The following NTRK3 variants were observed in gnomAD, a reference collection of about 807,000 sequenced individuals.
NTRK3 encodes neurotrophic receptor tyrosine kinase 3, also known as NT-3 growth factor receptor.
A neutral mutation model predicts 91.7 loss-of-function variants in NTRK3; 24 were observed. The observed-to-expected ratio is 0.26, with a 90% CI of 0.19 to 0.37. The LOEUF is 0.37. Ranked by LOEUF, NTRK3 falls within the 10% of genes least tolerant of loss-of-function variation. The pLI, the probability that NTRK3 is intolerant of heterozygous loss-of-function variation, is 1.00. For missense variants in NTRK3, 880 were observed against 1,068.9 expected (o/e 0.82, Z 2.46); for synonymous variants, 483 against 404.0 (o/e 1.20, Z -2.34).
In NTRK3 at chr15:88,242,064, G is replaced by A. The variant is rs554114628; in HGVS notation, c.248+13842C>T. Among the ~76,000 whole-genome samples the A allele has an allele frequency of 3.9e-5, 6 of 152,198 alleles. No individual in the cohort carries two copies. The East Asian group carries it at 5.8e-4, about 15-fold the overall frequency. ...TGCACAAATAGAGAAACGAATGAAC[G>A]GTTGCCTGGGAAGAGCACGTAGCCA... On this transcript the variant is annotated intron_variant, in intron 3 of 18. Transcript: ENST00000394480.
At chr15:88,103,542 C>T (rs2050389376) in intron 13 of NTRK3, among the ~76,000 whole-genome samples, 1 of 152,124 alleles carries the variant, frequency 6.6e-6, no homozygotes, top group Admixed American at 6.5e-5. Context: ...TTCAATACTG[C>T]CCATAGGTTT....
In NTRK3 at chr15:88,184,310, G is replaced by A; in HGVS notation, c.249-11C>T. 1 of 1,613,846 alleles carries A rather than the reference G, an allele frequency of 6.2e-7. No homozygotes were observed. Among genetic ancestry groups the A allele is most frequent in the South Asian group, 1.1e-5 (1 of 91,034 alleles). On this transcript the variant is annotated splice_polypyrimidine_tract_variant and intron_variant, in intron 3 of 18. Transcript: ENST00000394480. Reference sequence around the variant, plus strand: ...CAGTTCTCTATGTGTCTGCAGGGGAGGAGGAAAGGTAACGGTCAGCCAGAA... The same window carrying A: ...CAGTTCTCTATGTGTCTGCAGGGGAAGAGGAAAGGTAACGGTCAGCCAGAA...
intron 3 of NTRK3, among the ~76,000 whole-genome samples, chr15:88,199,885 C>A (rs2048155038): frequency 6.6e-6 from 1 of 152,186 alleles, no homozygotes; most frequent in African/African-American, 2.4e-5. Flanking sequence ...AGCAGGACAG[C>A]CTGGGCCACC....
chr15:88,104,011 A>T (rs1274022964), intron 13 of NTRK3, among the ~76,000 whole-genome samples: 1 of 152,198 alleles, frequency 6.6e-6, no homozygotes, highest in Non-Finnish European at 1.5e-5. Context: ...TGAGTCTAGC[A>T]TTCTTGCTAT....
At chr15:88,052,000 G>T (rs1387644330) in intron 13 of NTRK3, among the ~76,000 whole-genome samples, 1 of 152,154 alleles carries the variant, frequency 6.6e-6, no homozygotes, top group Non-Finnish European at 1.5e-5. Context: ...TTGAAAGACT[G>T]GCTAACTCTT....
chr15:88,071,766 T>C (rs942293288), intron 13 of NTRK3, among the ~76,000 whole-genome samples: 3 of 152,190 alleles, frequency 2.0e-5, no homozygotes, highest in African/African-American at 4.8e-5. Flanking sequence ...ATTGACTACC[T>C]ATGCTATAAA....
chr15:87,971,028 A>AC, intron 14 of NTRK3, among the ~76,000 whole-genome samples: 1 of 152,340 alleles, frequency 6.6e-6, no homozygotes, highest in East Asian at 1.9e-4. Context: ...GCCATTTGGT[A>AC]TCAGAGGTAC....
chr15:88,167,211 T>C (rs1252622534), intron 5 of NTRK3, among the ~76,000 whole-genome samples: 1 of 152,168 alleles, frequency 6.6e-6, no homozygotes, highest in Non-Finnish European at 1.5e-5. Flanking sequence ...TCACATATCA[T>C]ATCACAAGTA....
intron 14 of NTRK3, among the ~76,000 whole-genome samples, chr15:88,024,036 T>A (rs1281216836): frequency 6.6e-6 from 1 of 152,202 alleles, no homozygotes; most frequent in Non-Finnish European, 1.5e-5. Context: ...GTGACAGAAA[T>A]CTATATCACG....
At chr15:88,096,958 A>C (rs1020362445) in intron 13 of NTRK3, among the ~76,000 whole-genome samples, 6 of 152,216 alleles carry the variant, frequency 3.9e-5, no homozygotes, top group African/African-American at 1.4e-4. Flanking sequence ...ACTAAGATTG[A>C]AAAGCAAAGA....
intron 13 of NTRK3, among the ~76,000 whole-genome samples, chr15:88,077,221 C>T (rs1439401244): frequency 6.6e-6 from 1 of 152,162 alleles, no homozygotes; most frequent in African/African-American, 2.4e-5. Context: ...TTTCCCCTGG[C>T]TTCTGGCCCC....
chr15:87,985,972 G>C (rs936852910), intron 14 of NTRK3, among the ~76,000 whole-genome samples: 1 of 152,172 alleles, frequency 6.6e-6, no homozygotes, highest in African/African-American at 2.4e-5. Flanking sequence ...TTAGTCCCCA[G>C]AGAAAGTGAA....
intron 14 of NTRK3, among the ~76,000 whole-genome samples, chr15:88,006,620 A>T (rs1371650081): frequency 6.6e-6 from 1 of 152,196 alleles, no homozygotes; most frequent in Non-Finnish European, 1.5e-5. Context: ...GCCCCATGGG[A>T]TGGCATGATT....
intron 10 of NTRK3, 139 bp downstream of exon 10, chr15:88,134,962 A>C (rs1011212574): frequency 3.9e-6 from 4 of 1,038,046 alleles, no homozygotes; most frequent in East Asian, 5.0e-5. Context: ...TGGTGGTTGC[A>C]CATGTTCCAG....
rs572212628 is a variant in NTRK3, at chr15:87,993,008, C to A, written c.1585+39849G>T. ...CTGCACTACAGTATCTTGGCACTTG[C>A]AAAGCATTTCTCCTTCTAAGGACTT... On this transcript the variant is annotated intron_variant, in intron 14 of 18. Transcript: ENST00000394480. 4.6e-5 allele frequency among the ~76,000 whole-genome samples: 7 copies of A among 152,264 alleles called. No individual in the cohort carries two copies. The South Asian group carries it at 1.5e-3, about 32-fold the overall frequency.
At chr15:87,873,217 C>T (rs1445742953) in exon 19 of NTRK3, 1 of 231,446 alleles carries the variant, frequency 4.3e-6, no homozygotes, top group Non-Finnish European at 8.5e-6. Context: ...GACCAAAGAT[C>T]CTTTGCCTCA....
At chr15:88,218,081 G>C (rs1411276251) in intron 3 of NTRK3, among the ~76,000 whole-genome samples, 1 of 152,090 alleles carries the variant, frequency 6.6e-6, no homozygotes, top group Non-Finnish European at 1.5e-5. Flanking sequence ...CCCACTGTGG[G>C]GGCCCAGAAC....
intron 5 of NTRK3, among the ~76,000 whole-genome samples, chr15:88,152,852 C>A (rs1265718934): frequency 2.0e-5 from 3 of 152,210 alleles, no homozygotes; most frequent in African/African-American, 7.2e-5. Flanking sequence ...TATCTGCCCA[C>A]TTGCCCACCC....
intron 13 of NTRK3, among the ~76,000 whole-genome samples, chr15:88,077,436 G>A (rs921969616): frequency 2.0e-5 from 3 of 150,602 alleles, no homozygotes; most frequent in Admixed American, 6.6e-5. Flanking sequence ...CCCCACCCTC[G>A]CCCTCACCCC....
Sources: gnomAD v4.1 joint callset for allele counts (sites outside exome capture counted in the v4.1 genomes callset) on GRCh38, gnomAD v4.1.1 for gene constraint, MANE v1.5 for transcripts, NCBI Gene and HGNC (gene_info 2026-07-23, HGNC 2026-07-21) for gene names.